The following SPMIP2 variants were observed in gnomAD, a reference collection of about 807,000 sequenced individuals.
The protein encoded by SPMIP2 is sperm microtubule inner protein 2.
the SPMIP2 span, among the ~76,000 whole-genome samples, chr4:158,980,096 G>A: frequency 3.3e-5 from 5 of 151,900 alleles, no homozygotes; most frequent in African/African-American, 4.8e-5. Flanking sequence ...TGGGAATTTC[G>A]AACTGAGCAG....
chr4:159,082,467 G>A, the SPMIP2 span, among the ~76,000 whole-genome samples: 17 of 149,392 alleles, frequency 1.1e-4, no homozygotes, highest in Non-Finnish European at 2.1e-4. Context: ...GTGTGTGTGT[G>A]TGTGTGTGTG....
chr4:159,007,484 A>G, the SPMIP2 span: 5 of 733,890 alleles, frequency 6.8e-6, no homozygotes, highest in East Asian at 6.8e-5. Context: ...TCTAGTGATC[A>G]CAGGGATCCA....
At chr4:158,981,285 G>A in the SPMIP2 span, among the ~76,000 whole-genome samples, 5 of 152,170 alleles carry the variant, frequency 3.3e-5, no homozygotes, top group South Asian at 8.3e-4. Flanking sequence ...ACACTCTTCA[G>A]GATATTACCC....
At chr4:158,923,442 T>A in the SPMIP2 span, among the ~76,000 whole-genome samples, 1 of 152,192 alleles carries the variant, frequency 6.6e-6, no homozygotes, top group Non-Finnish European at 1.5e-5. Flanking sequence ...GTGTGCACAT[T>A]TTGTGCTTGT....
chr4:159,074,573 G>C, the SPMIP2 span, among the ~76,000 whole-genome samples: 1 of 152,154 alleles, frequency 6.6e-6, no homozygotes, highest in African/African-American at 2.4e-5. Context: ...TTAGAGTGCA[G>C]CTTCACCTTG....
the SPMIP2 span, among the ~76,000 whole-genome samples, chr4:159,018,286 G>C: frequency 1.8e-4 from 27 of 152,312 alleles, 1 homozygote; most frequent in South Asian, 5.6e-3. Context: ...GTATTGAAAT[G>C]ATACGTCTGC....
the SPMIP2 span, among the ~76,000 whole-genome samples, chr4:158,984,050 G>A: frequency 8.4e-6 from 1 of 119,348 alleles, no homozygotes; most frequent in Non-Finnish European, 1.7e-5. Context: ...GACAAAGAAG[G>A]CCATTACATA....
At chr4:158,956,928 TTTA>T in the SPMIP2 span, among the ~76,000 whole-genome samples, 6 of 152,214 alleles carry the variant, frequency 3.9e-5, no homozygotes, top group African/African-American at 1.4e-4. Context: ...ATGTTTCTTT[TTTA>T]TTTATTTATT....
At chr4:158,918,689 A>C in the SPMIP2 span, among the ~76,000 whole-genome samples, 2 of 152,232 alleles carry the variant, frequency 1.3e-5, no homozygotes, top group Non-Finnish European at 2.9e-5. Context: ...GATGTAGTTC[A>C]AAGATATTAA....
the SPMIP2 span, among the ~76,000 whole-genome samples, chr4:158,997,146 G>C: frequency 6.6e-6 from 1 of 151,628 alleles, no homozygotes; most frequent in Non-Finnish European, 1.5e-5. Context: ...ATTATTTGAA[G>C]TTACTTCTTT....
At chr4:159,037,444 C>CTTTTTTTTT in the SPMIP2 span, among the ~76,000 whole-genome samples, 1 of 143,790 alleles carries the variant, frequency 7.0e-6, no homozygotes, top group Non-Finnish European at 1.5e-5. Flanking sequence ...CTGTTCCTTC[C>CTTTTTTTTT]TTTTTTTTTT....
chr4:159,082,447 C>CTGTGTGTGTGTG, the SPMIP2 span, among the ~76,000 whole-genome samples: 1 of 50,544 alleles, frequency 2.0e-5, no homozygotes, highest in Admixed American at 1.9e-4. Flanking sequence ...TTCCACTTTT[C>CTGTGTGTGTGTG]TCTGTGTGTG....
the SPMIP2 span, among the ~76,000 whole-genome samples, chr4:159,051,734 C>T: frequency 6.6e-6 from 1 of 152,236 alleles, no homozygotes; most frequent in African/African-American, 2.4e-5. Context: ...GGTTTTTGCT[C>T]CTAGCATAGT....
the SPMIP2 span, among the ~76,000 whole-genome samples, chr4:158,896,643 C>T: frequency 6.6e-6 from 1 of 152,164 alleles, no homozygotes; most frequent in African/African-American, 2.4e-5. Flanking sequence ...CTTTCACACC[C>T]AGAATGTGAC....
chr4:158,983,419 G>A, the SPMIP2 span, among the ~76,000 whole-genome samples: 8 of 151,618 alleles, frequency 5.3e-5, no homozygotes, highest in Non-Finnish European at 8.8e-5. Flanking sequence ...GAGAAAGGTC[G>A]GGTTACCCAC....
the SPMIP2 span, among the ~76,000 whole-genome samples, chr4:158,984,260 C>T: frequency 9.1e-5 from 7 of 76,722 alleles, no homozygotes; most frequent in African/African-American, 3.1e-4. Flanking sequence ...AGGAATTGAA[C>T]TCAGCTCTGC....
At chr4:159,015,190 C>A in the SPMIP2 span, among the ~76,000 whole-genome samples, 1 of 152,118 alleles carries the variant, frequency 6.6e-6, no homozygotes, top group East Asian at 1.9e-4. Flanking sequence ...CCTTCCTTGG[C>A]TAATATACAA....
chr4:158,951,757 T>C, the SPMIP2 span, among the ~76,000 whole-genome samples: 1 of 152,228 alleles, frequency 6.6e-6, no homozygotes, highest in Non-Finnish European at 1.5e-5. Context: ...AGTTCCCATG[T>C]GTGAGTTCCT....
chr4:159,046,244 A>T, the SPMIP2 span, among the ~76,000 whole-genome samples: 1 of 151,416 alleles, frequency 6.6e-6, no homozygotes, highest in Non-Finnish European at 1.5e-5. Flanking sequence ...AAAAAAAAAA[A>T]GGGCAGCCGG....
Sources: allele counts gnomAD v4.1 joint callset (sites outside exome capture counted in the v4.1 genomes callset), GRCh38; gene constraint gnomAD v4.1.1; transcripts MANE v1.5; gene names NCBI Gene and HGNC (gene_info 2026-07-23, HGNC 2026-07-21).